The following CSMD1 variants were observed in gnomAD, a reference collection of about 807,000 sequenced individuals.
CSMD1 encodes CUB and sushi domain-containing protein 1.
A neutral mutation model predicts 417.5 loss-of-function variants in CSMD1; 213 were observed. That is an observed-to-expected ratio of 0.51 (90% CI 0.46 to 0.57). The LOEUF (loss-of-function observed/expected upper bound fraction) is 0.57, where lower values mean the gene tolerates loss of function less well. Ranked by LOEUF, CSMD1 falls within the 20% of genes least tolerant of loss-of-function variation. The pLI is 0.00. For synonymous variants in CSMD1, 2,862 were observed against 1,736.8 expected (o/e 1.65, Z -16.11); for missense variants, 6,923 against 4,529.7 (o/e 1.53, Z -15.17).
intron 2 of CSMD1, among the ~76,000 whole-genome samples, chr8:4,544,733 T>G (rs1174319913): frequency 6.6e-6 from 1 of 152,232 alleles, no homozygotes; most frequent in Admixed American, 6.5e-5. Flanking sequence ...CATGGGTCAA[T>G]GTTACAGTGT....
chr8:4,159,670 G>C (rs1054221856), intron 3 of CSMD1, among the ~76,000 whole-genome samples: 2 of 152,060 alleles, frequency 1.3e-5, no homozygotes, highest in East Asian at 1.9e-4. Flanking sequence ...CTCACTGCAA[G>C]CTCCCCCTCC....
intron 33 of CSMD1, among the ~76,000 whole-genome samples, chr8:3,193,145 T>C (rs2129051791): frequency 6.6e-6 from 1 of 152,304 alleles, no homozygotes; most frequent in South Asian, 2.1e-4. Context: ...TTGAGAGCTA[T>C]GCAAACATAT....
chr8:2,951,871 T>C (rs1355315117), intron 65 of CSMD1, among the ~76,000 whole-genome samples: 1 of 152,218 alleles, frequency 6.6e-6, no homozygotes, highest in African/African-American at 2.4e-5. Flanking sequence ...AATCTCTTTA[T>C]GTAATATATT....
At chr8:4,186,759 G>A (rs1798701390) in intron 3 of CSMD1, among the ~76,000 whole-genome samples, 1 of 151,836 alleles carries the variant, frequency 6.6e-6, no homozygotes, top group African/African-American at 2.4e-5. Flanking sequence ...AGCTGAGGCG[G>A]GTGGATCACT....
chr8:4,311,634 A>C (rs1798579183), intron 3 of CSMD1, among the ~76,000 whole-genome samples: 1 of 150,992 alleles, frequency 6.6e-6, no homozygotes, highest in Admixed American at 6.6e-5. Context: ...TAGACAGGAG[A>C]ATTGCTTGAA....
At chr8:4,316,860 T>C (rs1008886721) in intron 3 of CSMD1, among the ~76,000 whole-genome samples, 11 of 152,164 alleles carry the variant, frequency 7.2e-5, no homozygotes, top group African/African-American at 2.2e-4. Context: ...CTATTAGTGA[T>C]GTTTTGTGGT....
At chr8:4,609,189 C>T (rs1042349756) in intron 2 of CSMD1, among the ~76,000 whole-genome samples, 10 of 152,160 alleles carry the variant, frequency 6.6e-5, no homozygotes, top group Non-Finnish European at 1.0e-4. Flanking sequence ...TGCTTCAACT[C>T]TGGTGTTCCA....
intron 3 of CSMD1, among the ~76,000 whole-genome samples, chr8:4,401,039 C>G (rs1392929941): frequency 6.6e-6 from 1 of 152,044 alleles, no homozygotes; most frequent in Non-Finnish European, 1.5e-5. Flanking sequence ...TTAATATACG[C>G]TGAGCATGCA....
intron 7 of CSMD1, among the ~76,000 whole-genome samples, chr8:3,641,950 T>C (rs1451823466): frequency 6.6e-6 from 1 of 152,118 alleles, no homozygotes. Flanking sequence ...ACTGAGTGAA[T>C]CCCTGACACA....
At chr8:4,314,968 T>G (rs542967526) in intron 3 of CSMD1, among the ~76,000 whole-genome samples, 1 of 151,782 alleles carries the variant, frequency 6.6e-6, no homozygotes, top group African/African-American at 2.4e-5. Context: ...TGGGAGGAGG[T>G]TTCACCTTCC....
At chr8:4,166,706 G>A (rs1181518627) in intron 3 of CSMD1, among the ~76,000 whole-genome samples, 1 of 151,964 alleles carries the variant, frequency 6.6e-6, no homozygotes, top group Non-Finnish European at 1.5e-5. Flanking sequence ...CAGCTCTAAA[G>A]AACATATCTA....
chr8:4,966,397 A>G (rs1356205738), intron 1 of CSMD1, among the ~76,000 whole-genome samples: 2 of 151,950 alleles, frequency 1.3e-5, no homozygotes, highest in African/African-American at 4.8e-5. Context: ...AAACAACAAC[A>G]AAAAAAGAGT....
intron 2 of CSMD1, among the ~76,000 whole-genome samples, chr8:4,474,977 T>A (rs1178588507): frequency 1.3e-5 from 2 of 152,212 alleles, no homozygotes; most frequent in Non-Finnish European, 2.9e-5. Context: ...AACTACAGGC[T>A]GTTAGTAATT....
intron 3 of CSMD1, among the ~76,000 whole-genome samples, chr8:4,051,697 C>G (rs1798432004): frequency 6.6e-6 from 1 of 151,962 alleles, no homozygotes; most frequent in African/African-American, 2.4e-5. Context: ...AATTTATTTT[C>G]CAAAAATCAA....
chr8:4,919,044 A>G (rs1231722610), intron 1 of CSMD1, among the ~76,000 whole-genome samples: 1 of 152,250 alleles, frequency 6.6e-6, no homozygotes, highest in Non-Finnish European at 1.5e-5. Flanking sequence ...CGAATGTAAC[A>G]GAGCCATGGT....
chr8:4,044,762 A>AACCCTGGGCATG (rs1798063995), intron 3 of CSMD1, among the ~76,000 whole-genome samples: 1 of 20,556 alleles, frequency 4.9e-5, no homozygotes, highest in South Asian at 3.1e-3. Context: ...CCCTGGCCAC[A>AACCCTGGGCATG]TAGCACCCTA....
At chr8:3,281,480 A>G (rs925972192) in intron 26 of CSMD1, among the ~76,000 whole-genome samples, 3 of 152,162 alleles carry the variant, frequency 2.0e-5, no homozygotes, top group South Asian at 2.1e-4. Context: ...TGGTACAACA[A>G]GTCAATAGAA....
At chr8:3,830,512 G>A (rs73172263) in intron 5 of CSMD1, among the ~76,000 whole-genome samples, 2 of 152,102 alleles carry the variant, frequency 1.3e-5, no homozygotes, top group African/African-American at 4.8e-5. Flanking sequence ...GAGTTGTGAA[G>A]ACTGTTATGT....
At chr8:4,429,211 T>G (rs983133639) in intron 2 of CSMD1, among the ~76,000 whole-genome samples, 2 of 151,768 alleles carry the variant, frequency 1.3e-5, no homozygotes, top group East Asian at 1.9e-4. Context: ...ATGCCTGCCT[T>G]ACACGAATAT....
Sources: allele counts gnomAD v4.1 joint callset (sites outside exome capture counted in the v4.1 genomes callset), GRCh38; gene constraint gnomAD v4.1.1; transcripts MANE v1.5; gene names NCBI Gene and HGNC (gene_info 2026-07-23, HGNC 2026-07-21).